The following MAEA variants were observed in gnomAD, a reference collection of about 807,000 sequenced individuals.
MAEA encodes E3 ubiquitin-protein transferase MAEA.
In MAEA, 22 loss-of-function variants were observed where a neutral mutation model predicts 46.2. That is an observed-to-expected ratio of 0.48 (90% CI 0.34 to 0.68). The LOEUF (loss-of-function observed/expected upper bound fraction) is 0.68, where lower values mean the gene tolerates loss of function less well. Ranked by LOEUF, MAEA falls within the 30% of genes least tolerant of loss-of-function variation. The probability of loss-of-function intolerance (pLI) is 0.01; values close to 1 mark genes in which losing one functional copy is unlikely to be tolerated. For missense variants in MAEA, 393 were observed against 558.1 expected (o/e 0.70, Z 2.98); for synonymous variants, 246 against 222.6 (o/e 1.11, Z -0.94).
intron 1 of MAEA, among the ~76,000 whole-genome samples, chr4:1,291,020 C>G (rs532638703): frequency 9.2e-5 from 14 of 152,276 alleles, no homozygotes; most frequent in Admixed American, 4.6e-4. Flanking sequence ...TGAGTGACCA[C>G]GTATTGTTTC....
chr4:1,307,364 C>CT lies in MAEA; in HGVS notation c.70-4614dup, dbSNP rs749971663. 2.6e-4 allele frequency among the ~76,000 whole-genome samples: 40 copies of CT among 152,062 alleles called. 1 individual carries two copies. Among genetic ancestry groups the CT allele is most frequent in the Admixed American group, 1.4e-3 (22 of 15,248 alleles). ...GGATCCACCATTCTGCTTTATGTGT[C>CT]TAAGAGTTGGACTGTGTGAGATACC... On this transcript the variant is annotated intron_variant, in intron 1 of 8. Coordinates refer to ENST00000303400, the MANE Select transcript of MAEA (RefSeq NM_001017405.3).
rs538081578 is a variant in MAEA, at chr4:1,291,745, C to T, written c.69+1763C>T. ...ACTAGGAAGGGAGATGGAAGGTCTC[C>T]GGAAAGGATTCTTCTTCAGGTCTTC... On this transcript the variant is annotated intron_variant, in intron 1 of 8. Coordinates refer to ENST00000303400, the MANE Select transcript of MAEA (RefSeq NM_001017405.3). 1.6e-4 allele frequency among the ~76,000 whole-genome samples: 25 copies of T among 152,250 alleles called. 1 individual carries two copies. In the East Asian group the frequency reaches 4.4e-3, roughly 27 times the overall value.
At chr4:1,297,058 G>A (rs1006451492) in intron 1 of MAEA, among the ~76,000 whole-genome samples, 3 of 152,090 alleles carry the variant, frequency 2.0e-5, no homozygotes, top group Non-Finnish European at 4.4e-5. Flanking sequence ...AGCTCTCTTC[G>A]CATGTCTGGA....
In MAEA at chr4:1,336,992, A is replaced by T. The variant is rs200293570; in HGVS notation, c.897A>T (p.Thr299=). 5.0e-6 allele frequency: 8 copies of T among 1,613,672 alleles called. No homozygotes were observed. In the East Asian group the frequency reaches 8.9e-5, roughly 18 times the overall value. The part of the protein sequence containing the change: ...TLQAGLSAIK[T]PQCYKEDGSS... ...AGGCTGGCCTCTCAGCCATCAAGAC[A>T]CCGTATCCTACCTCCCGTGCGCAGT... is the stretch of plus-strand genomic sequence containing the variant. Residue 299 remains threonine, a splice_region_variant and synonymous_variant, in exon 7 of 9, where the codon ACA becomes ACT. Coordinates refer to ENST00000303400, the MANE Select transcript of MAEA (RefSeq NM_001017405.3).
intron 5 of MAEA, chr4:1,329,626 G>A (rs1237373709): frequency 4.1e-6 from 4 of 985,552 alleles, no homozygotes; most frequent in Non-Finnish European, 4.8e-6. Context: ...CCAGGTGCCA[G>A]GGCCTGGTCA....
intron 1 of MAEA, among the ~76,000 whole-genome samples, chr4:1,298,411 T>G (rs1045625734): frequency 6.6e-6 from 1 of 152,222 alleles, no homozygotes; most frequent in Non-Finnish European, 1.5e-5. Flanking sequence ...GTCTTCTGGT[T>G]ATCCACGAAG....
intron 3 of MAEA, among the ~76,000 whole-genome samples, chr4:1,316,271 C>A (rs759176195): frequency 6.6e-6 from 1 of 152,188 alleles, no homozygotes; most frequent in African/African-American, 2.4e-5. Context: ...CCCTCTGGCA[C>A]CTTTGGGCCA....
At chr4:1,321,206 C>T (rs1197817490) in intron 3 of MAEA, among the ~76,000 whole-genome samples, 4 of 150,236 alleles carry the variant, frequency 2.7e-5, no homozygotes, top group African/African-American at 9.8e-5. Context: ...GAAAAGAAAT[C>T]ATCAAAGCAA....
intron 5 of MAEA, 84 bp from the exon 6 acceptor site, chr4:1,332,673 C>A: frequency 9.6e-7 from 1 of 1,037,678 alleles, no homozygotes; most frequent in South Asian, 1.5e-5. Context: ...CACTGCACTG[C>A]AGCCTGGGTG....
intron 3 of MAEA, 105 bp from the exon 4 acceptor site, chr4:1,322,276 T>G: frequency 4.7e-6 from 7 of 1,477,698 alleles, no homozygotes; most frequent in Admixed American, 3.9e-5. Flanking sequence ...GCATCTCGAG[T>G]GGTGGCCGGT....
intron 1 of MAEA, among the ~76,000 whole-genome samples, chr4:1,303,900 G>A (rs1231542917): frequency 1.4e-5 from 2 of 140,522 alleles, no homozygotes; most frequent in Non-Finnish European, 3.0e-5. Context: ...GTCCGGCAGG[G>A]CAGGGTGGGG....
At chr4:1,314,560 G>A (rs2108918021) in intron 2 of MAEA, among the ~76,000 whole-genome samples, 1 of 152,346 alleles carries the variant, frequency 6.6e-6, no homozygotes, top group East Asian at 1.9e-4. Flanking sequence ...TGTTTCACCA[G>A]AGCCCACCAG....
chr4:1,318,176 C>G (rs562592293), intron 3 of MAEA, among the ~76,000 whole-genome samples: 2 of 152,246 alleles, frequency 1.3e-5, no homozygotes, highest in Non-Finnish European at 2.9e-5. Context: ...GGGGCGGCCC[C>G]CCGTGTGTTC....
At chr4:1,309,694 T>G in intron 1 of MAEA, 5 of 1,530,288 alleles carry the variant, frequency 3.3e-6, no homozygotes, top group Non-Finnish European at 4.4e-6. Flanking sequence ...CTTCCAGTTG[T>G]GAAGACACCG....
At chr4:1,336,558 G>A (rs980015105) in intron 6 of MAEA, among the ~76,000 whole-genome samples, 3 of 151,028 alleles carry the variant, frequency 2.0e-5, no homozygotes, top group African/African-American at 4.9e-5. Flanking sequence ...TACTGGCCTC[G>A]CAGTGTGTTG....
intron 1 of MAEA, among the ~76,000 whole-genome samples, chr4:1,301,198 G>A (rs1336698320): frequency 6.6e-6 from 1 of 152,232 alleles, no homozygotes; most frequent in Admixed American, 6.5e-5. Flanking sequence ...AGCAAATTCT[G>A]TCAGAAGCAC....
chr4:1,301,865 A>G (rs1039617563), intron 1 of MAEA, among the ~76,000 whole-genome samples: 1 of 152,278 alleles, frequency 6.6e-6, no homozygotes, highest in African/African-American at 2.4e-5. Context: ...TGAAGTTACT[A>G]CAAAAAACCT....
At chr4:1,292,680 C>T (rs1734214752) in intron 1 of MAEA, among the ~76,000 whole-genome samples, 1 of 152,172 alleles carries the variant, frequency 6.6e-6, no homozygotes. Context: ...TGGGGGCATG[C>T]ACACACCCCT....
At position 1,322,100 on chromosome 4, in the gene MAEA, G is replaced by A. The variant is rs560465346; in HGVS notation, c.457-281G>A. Reference sequence around the variant, plus strand: ...CCCTGCCTGCATGTGTGTCTCAGCAGCTCCTCTCCATGGACAGGTGGGGCC... The same window carrying A: ...CCCTGCCTGCATGTGTGTCTCAGCAACTCCTCTCCATGGACAGGTGGGGCC... On this transcript the variant is annotated intron_variant, in intron 3 of 8. Coordinates refer to ENST00000303400, the MANE Select transcript of MAEA (RefSeq NM_001017405.3). Among the ~76,000 whole-genome samples the A allele has an allele frequency of 3.9e-5, 6 of 152,314 alleles. 1 individual carries two copies. Among genetic ancestry groups the A allele is most frequent in the Admixed American group, 3.9e-4 (6 of 15,304 alleles).
Sources: allele counts gnomAD v4.1 joint callset (sites outside exome capture counted in the v4.1 genomes callset), GRCh38; gene constraint gnomAD v4.1.1; transcripts MANE v1.5; gene names NCBI Gene and HGNC (gene_info 2026-07-23, HGNC 2026-07-21).